PSEN1: variants seen among roughly 807,000 people sequenced by gnomAD.
PSEN1 encodes presenilin 1.
PSEN1 carries 15 observed loss-of-function variants against 53.5 expected under a neutral mutation model. The observed-to-expected ratio is 0.28, with a 90% CI of 0.19 to 0.43. PSEN1 has a LOEUF of 0.43. Among genes scored for constraint, PSEN1 ranks in the 20% least tolerant of loss-of-function variants. The pLI is 1.00. For synonymous variants in PSEN1, 208 were observed against 209.8 expected, an observed-to-expected ratio of 0.99 and a Z score of 0.08; for missense variants, 387 against 571.2, an observed-to-expected ratio of 0.68 and a Z score of 3.29.
At chr14:73,160,984 T>C (rs1288003650) in intron 3 of PSEN1, among the ~76,000 whole-genome samples, 5 of 150,420 alleles carry the variant, frequency 3.3e-5, no homozygotes, top group Non-Finnish European at 7.4e-5. Context: ...TTTTTTTTTT[T>C]TTTTCGATAC....
At chr14:73,209,246 C>T (rs919203372) in intron 9 of PSEN1, among the ~76,000 whole-genome samples, 8 of 152,230 alleles carry the variant, frequency 5.3e-5, no homozygotes, top group East Asian at 1.9e-4. Flanking sequence ...CCTGCCAGCT[C>T]ACAGAGCATG....
chr14:73,187,064 G>C, intron 6 of PSEN1, 144 bp downstream of exon 6: 2 of 713,694 alleles, frequency 2.8e-6, no homozygotes. Context: ...GTATATAAAA[G>C]ACTAGTCAGT....
chr14:73,217,062 T>C (rs1012108828), intron 10 of PSEN1, 64 bp from the exon 11 acceptor site: 3 of 1,558,336 alleles, frequency 1.9e-6, no homozygotes, highest in Non-Finnish European at 2.7e-6. Flanking sequence ...AGTGATATTT[T>C]TGAATTGTGA....
intron 7 of PSEN1, among the ~76,000 whole-genome samples, chr14:73,197,158 C>T (rs1336067440): frequency 1.3e-5 from 2 of 152,108 alleles, no homozygotes; most frequent in African/African-American, 2.4e-5. Context: ...TGGTCTTGAT[C>T]TCCTGACCTT....
intron 5 of PSEN1, among the ~76,000 whole-genome samples, chr14:73,176,019 T>C (rs143439617): frequency 3.3e-5 from 5 of 152,382 alleles, no homozygotes; most frequent in African/African-American, 1.2e-4. Flanking sequence ...AGTTGGTTAC[T>C]AGTAATATCA....
At chr14:73,140,083 G>T (rs1896875060) in intron 1 of PSEN1, among the ~76,000 whole-genome samples, 1 of 151,168 alleles carries the variant, frequency 6.6e-6, no homozygotes. Flanking sequence ...TAGAGTTATT[G>T]AAATTAAATA....
intron 1 of PSEN1, among the ~76,000 whole-genome samples, chr14:73,138,838 G>C (rs1594952473): frequency 6.6e-6 from 1 of 151,436 alleles, no homozygotes; most frequent in East Asian, 2.0e-4. Context: ...GTGATGGCGG[G>C]CGCCTGTAGT....
In PSEN1 at chr14:73,219,254, A is replaced by G. The variant is rs1430581353; in HGVS notation, c.1369A>G (p.Met457Val). The G allele has an allele frequency of 2.5e-6, 4 of 1,613,746 alleles. 1 individual carries two copies. Among genetic ancestry groups the G allele is most frequent in the South Asian group, 2.2e-5 (2 of 91,072 alleles). ...CACAGATTATCTTGTACAGCCTTTTATGGACCAATTAGCATTCCATCAATT... is the reference window on the plus strand; with the variant it reads ...CACAGATTATCTTGTACAGCCTTTTGTGGACCAATTAGCATTCCATCAATT... The part of the protein sequence containing the change: ...FATDYLVQPF[M>V]DQLAFHQFYI Residue 457 changes from methionine (M) to valine (V), a missense_variant, in exon 12 of 12, where the codon ATG becomes GTG. Met to Val is a conservative substitution (Grantham distance 21). Transcript: ENST00000324501.
rs1900068142 is a variant in PSEN1 at position 73,219,633 on chromosome 14, G to A, written c.*344G>A. On this transcript the variant is annotated 3_prime_UTR_variant, in exon 12 of 12. Transcript: ENST00000324501. ...GTCACAGGACGATTTCACTGACACT[G>A]CGAACTCTCAGGACTACCGTTACCA... 5.7e-6 allele frequency: 2 copies of A among 353,938 alleles called. No homozygotes were observed. The highest frequency in any genetic ancestry group is 1.1e-5 in the Non-Finnish European group (2 of 184,408). 21.9% of individuals were successfully genotyped at this position (353,938 alleles called of 1,614,324 possible).
intron 3 of PSEN1, among the ~76,000 whole-genome samples, chr14:73,163,796 C>T (rs1183318315): frequency 6.6e-6 from 1 of 152,094 alleles, no homozygotes; most frequent in Non-Finnish European, 1.5e-5. Context: ...AGAGGAGGAA[C>T]AGTTTGTGGT....
Position 73,186,768 on chromosome 14 carries a change from C to A in PSEN1, c.481-85C>A, listed in dbSNP as rs550002014. On this transcript the variant is annotated intron_variant, in intron 5 of 11. Coordinates refer to ENST00000324501, the MANE Select transcript of PSEN1 (RefSeq NM_000021.4). ...CTCCAGTCTGGGCGACAAAGTGAGA[C>A]CCTGTCTCAAAAAAGAAAAAAAAAA... 139 of 1,119,484 alleles carry A rather than the reference C, an allele frequency of 1.2e-4. 2 individuals carry two copies. In the South Asian group the frequency reaches 1.6e-3, roughly 13 times the overall value. The allele number at this position is 1,119,484 out of a possible 1,614,324, so 69.3% of individuals were successfully genotyped here. A position where few individuals can be genotyped will look rare whatever the true frequency, so the allele number is the denominator to read the frequency against.
At chr14:73,145,313 T>C (rs1411988574) in intron 1 of PSEN1, among the ~76,000 whole-genome samples, 1 of 152,174 alleles carries the variant, frequency 6.6e-6, no homozygotes, top group African/African-American at 2.4e-5. Flanking sequence ...GGTTTTTCCA[T>C]AATGGAGTGT....
chr14:73,180,756 C>G (rs1898186870), intron 5 of PSEN1, among the ~76,000 whole-genome samples: 1 of 152,048 alleles, frequency 6.6e-6, no homozygotes, highest in Non-Finnish European at 1.5e-5. Context: ...GAAAGCTGAA[C>G]TAGGGATTTT....
At chr14:73,218,614 G>A (rs1021535166) in intron 11 of PSEN1, among the ~76,000 whole-genome samples, 2 of 151,864 alleles carry the variant, frequency 1.3e-5, no homozygotes, top group Non-Finnish European at 2.9e-5. Flanking sequence ...CATGCTTCAC[G>A]GAGGAGCCTG....
chr14:73,191,100 A>G (rs1374764597), intron 6 of PSEN1, among the ~76,000 whole-genome samples: 1 of 152,196 alleles, frequency 6.6e-6, no homozygotes, highest in Non-Finnish European at 1.5e-5. Context: ...CCTCCCCAGA[A>G]TTAAAATAGC....
chr14:73,183,919 G>C (rs1898323282), intron 5 of PSEN1, among the ~76,000 whole-genome samples: 2 of 147,674 alleles, frequency 1.4e-5, no homozygotes, highest in African/African-American at 2.6e-5. Context: ...GGCTGGCCGG[G>C]CGGGGGGCTG....
In PSEN1 at chr14:73,212,151, G is replaced by A. The variant is rs554590654; in HGVS notation, c.1129+209G>A. 1.2e-4 allele frequency among the ~76,000 whole-genome samples: 13 copies of A among 110,256 alleles called. No individual in the cohort carries two copies. In the East Asian group the frequency reaches 2.0e-3, roughly 17 times the overall value. 72.3% of individuals were successfully genotyped at this position (110,256 alleles called of 152,430 possible). On this transcript the variant is annotated intron_variant, in intron 10 of 11. Transcript: ENST00000324501. ...TTTTGAGACAGAGTCTCGCTCTGTCGCCAGGTTGGAGTGCAATGGTGCGAT... is the reference window on the plus strand; with the variant it reads ...TTTTGAGACAGAGTCTCGCTCTGTCACCAGGTTGGAGTGCAATGGTGCGAT...
intron 8 of PSEN1, among the ~76,000 whole-genome samples, chr14:73,200,105 G>T (rs1158237403): frequency 2.0e-5 from 3 of 152,150 alleles, no homozygotes; most frequent in African/African-American, 7.2e-5. Context: ...GTGTCTGAGA[G>T]AGAAAGAGAT....
At chr14:73,164,229 A>G (rs1166004969) in intron 3 of PSEN1, among the ~76,000 whole-genome samples, 7 of 152,202 alleles carry the variant, frequency 4.6e-5, no homozygotes, top group African/African-American at 1.7e-4. Flanking sequence ...AGATAAATGG[A>G]GAAGACAGAG....
Sources: allele counts gnomAD v4.1 joint callset (sites outside exome capture counted in the v4.1 genomes callset), GRCh38; gene constraint gnomAD v4.1.1; transcripts MANE v1.5; gene names NCBI Gene and HGNC (gene_info 2026-07-23, HGNC 2026-07-21).